Variants in LHX2 observed in about 807,000 individuals in gnomAD.
LHX2 encodes LIM homeobox 2, also known as LIM/homeobox protein Lhx2.
Under a neutral mutation model 33.0 loss-of-function variants are expected in LHX2, and 6 were observed. The ratio of observed to expected loss-of-function variants is 0.18; its 90% CI spans 0.10 to 0.36. LHX2 has a LOEUF of 0.36. LHX2 is among the 10% of genes least tolerant of loss of function. The pLI is 1.00. For missense variants in LHX2, 442 were observed against 586.2 expected (o/e 0.75, Z 2.54); for synonymous variants, 292 against 253.1 (o/e 1.15, Z -1.46).
At chr9:124,021,382 T>A in intron 4 of LHX2, 78 bp downstream of exon 4, 1 of 1,315,846 alleles carries the variant, frequency 7.6e-7, no homozygotes, top group Non-Finnish European at 1.1e-6. Context: ...GCCGTGGGCC[T>A]TGGAAGGACC....
intron 4 of LHX2, among the ~76,000 whole-genome samples, chr9:124,025,752 A>G (rs1828610743): frequency 6.6e-6 from 1 of 151,912 alleles, no homozygotes; most frequent in Admixed American, 6.5e-5. Flanking sequence ...GGGAGGCTGA[A>G]GTGGGCAGAT....
chr9:124,015,593 G>A lies in LHX2; in HGVS notation c.727+68G>A. On this transcript the variant is annotated intron_variant, in intron 3 of 4. Transcript: ENST00000373615. This position sits in a 1 kb window ranked among gnomAD's most constrained non-coding sequence, Gnocchi z 7.9. Reference sequence around the variant, plus strand: ...AAGTGTGCGGCCTCGACGGCCGGGAGCTGGATTGAATCTCTGTGTGCTGGG... The same window carrying A: ...AAGTGTGCGGCCTCGACGGCCGGGAACTGGATTGAATCTCTGTGTGCTGGG... 5 of 1,421,440 alleles carry A rather than the reference G, an allele frequency of 3.5e-6. No individual in the cohort carries two copies. The highest frequency in any genetic ancestry group is 1.5e-5 in the South Asian group (1 of 66,432). 88.1% of individuals were successfully genotyped at this position (1,421,440 alleles called of 1,614,324 possible).
Position 124,015,514 on chromosome 9 carries a change from C to A in LHX2, c.716C>A (p.Ala239Asp). The A allele has an allele frequency of 1.4e-6, 2 of 1,464,034 alleles. No individual in the cohort carries two copies. Among genetic ancestry groups the A allele is most frequent in the Non-Finnish European group, 1.8e-6 (2 of 1,107,828 alleles). The allele number at this position is 1,464,034 out of a possible 1,614,324, so 90.7% of individuals were successfully genotyped here. ...CCGGGCCCCGGTGCGGATCTGGCGG[C>A]CTACAACGCTGGTGAGTGCGCGGCG... ...KSPGPGADLA[A>D]YNAALSCNEN... Residue 239 changes from alanine to aspartate, a missense_variant, in exon 3 of 5, where the codon GCC becomes GAC. Ala to Asp is a moderately radical substitution (Grantham distance 126, BLOSUM62 -2). Coordinates refer to ENST00000373615, the MANE Select transcript of LHX2 (RefSeq NM_004789.4). This position sits in a 1 kb window ranked among gnomAD's most constrained non-coding sequence, Gnocchi z 7.9.
chr9:124,021,158 A>G lies in LHX2; in HGVS notation c.787A>G (p.Ser263Gly). 4 of 1,614,248 alleles carry G rather than the reference A, an allele frequency of 2.5e-6. No homozygotes were observed. The highest frequency in any genetic ancestry group is 3.4e-6 in the Non-Finnish European group (4 of 1,180,050). The change falls in exon 4 of 5, where the codon AGC becomes GGC. Residue 263 changes from serine to glycine, a missense_variant. Coordinates refer to ENST00000373615, the MANE Select transcript of LHX2 (RefSeq NM_004789.4). The part of the protein sequence containing the change: ...HLDRDQPYPS[S>G]QKTKRMRTSF... ...GGACCGTGACCAGCCATACCCGAGC[A>G]GCCAGAAGACCAAGCGCATGCGCAC...
At position 124,014,426 on chromosome 9, in the gene LHX2, CA is replaced by C. The variant is rs1275318839; in HGVS notation, c.323+264del. 1.3e-5 allele frequency among the ~76,000 whole-genome samples: 2 copies of C among 152,044 alleles called. No individual in the cohort carries two copies. Among genetic ancestry groups the C allele is most frequent in the East Asian group, 3.9e-4 (2 of 5,194 alleles). On this transcript the variant is annotated intron_variant, in intron 2 of 4. Transcript: ENST00000373615. The surrounding 1 kb of genome is among the most constrained non-coding windows in gnomAD (Gnocchi z 4.8). ...CTGCCCTCCTGCTCGGAGCTTAGAC[CA>C]CAAAAAAGCTTGAGTTGGGATCCTT...
rs937972465 is a variant in LHX2 at position 124,016,706 on chromosome 9, G to A, written c.727+1181G>A. ...GGAGGATCATGGGGCGTGTGTCCCT[G>A]TGTGCGGAACTGGGAGGAAAACGCA... On this transcript the variant is annotated intron_variant, in intron 3 of 4. Coordinates refer to ENST00000373615, the MANE Select transcript of LHX2 (RefSeq NM_004789.4). This position sits in a 1 kb window ranked among gnomAD's most constrained non-coding sequence, Gnocchi z 4.4. Among the ~76,000 whole-genome samples the A allele has an allele frequency of 1.3e-5, 2 of 152,228 alleles. No homozygotes were observed. The highest frequency in any genetic ancestry group is 4.8e-5 in the African/African-American group (2 of 41,448).
chr9:124,015,454 C>A lies in LHX2; in HGVS notation c.656C>A (p.Thr219Asn). The A allele has an allele frequency of 6.4e-7, 1 of 1,559,782 alleles. No homozygotes were observed. Among genetic ancestry groups the A allele is most frequent in the South Asian group, 1.2e-5 (1 of 83,542 alleles). The change falls in exon 3 of 5, where the codon ACT becomes AAT. Residue 219 changes from threonine (T) to asparagine (N), a missense_variant. Physicochemically the swap from Thr to Asn is moderately conservative, Grantham distance 65. Around this residue, in one of 5 missense-constraint regions of LHX2, gnomAD observed 132 missense variants for 139.1 expected, o/e 0.95. Transcript: ENST00000373615. The surrounding 1 kb of genome is among the most constrained non-coding windows in gnomAD (Gnocchi z 7.9). ...LGLPYYNGVGTVQKGRPRKRK... is the reference protein window; with the variant it reads ...LGLPYYNGVGNVQKGRPRKRK... The stretch of plus-strand genomic sequence containing the variant: ...CTTCCCTACTACAATGGCGTGGGCA[C>A]TGTGCAGAAGGGGCGGCCGAGGAAA...
chr9:124,018,344 C>A (rs564114152), intron 3 of LHX2, among the ~76,000 whole-genome samples: 2 of 151,428 alleles, frequency 1.3e-5, no homozygotes, highest in East Asian at 3.9e-4. Context: ...TCCCCGGATC[C>A]GATCCTGGGG....
chr9:124,026,582 T>C (rs1327996738), intron 4 of LHX2, among the ~76,000 whole-genome samples: 1 of 152,210 alleles, frequency 6.6e-6, no homozygotes, highest in Non-Finnish European at 1.5e-5. Context: ...TGTTTTTCTT[T>C]TAAATGATTC....
chr9:124,018,899 G>A (rs1859243954), intron 3 of LHX2, among the ~76,000 whole-genome samples: 1 of 152,086 alleles, frequency 6.6e-6, no homozygotes, highest in African/African-American at 2.4e-5. Flanking sequence ...CCACCTAGGC[G>A]GCACTCAGGG....
chr9:124,019,514 C>T (rs1859254912), intron 3 of LHX2, among the ~76,000 whole-genome samples: 1 of 152,006 alleles, frequency 6.6e-6, no homozygotes, highest in Non-Finnish European at 1.5e-5. Context: ...TATAAGTGTC[C>T]CGTGTAATAT....
intron 3 of LHX2, among the ~76,000 whole-genome samples, chr9:124,018,569 A>G (rs1859236936): frequency 6.6e-6 from 1 of 151,806 alleles, no homozygotes; most frequent in African/African-American, 2.4e-5. Context: ...GCTTCGGAAA[A>G]GGCCTCCCCC....
intron 4 of LHX2, among the ~76,000 whole-genome samples, chr9:124,026,477 G>C (rs76233131): frequency 6.7e-6 from 1 of 148,296 alleles, no homozygotes; most frequent in African/African-American, 2.5e-5. Context: ...AAAAAAAAAA[G>C]ACATTGAACA....
In LHX2 at chr9:124,014,234, C is replaced by A. The variant is rs950247000; in HGVS notation, c.323+71C>A. ...TCAGGCACAGTCTTACAGTTTGGCC[C>A]TCTCCTTTCCGTTTAGTCCCAGGAG... On this transcript the variant is annotated intron_variant, in intron 2 of 4. Coordinates refer to ENST00000373615, the MANE Select transcript of LHX2 (RefSeq NM_004789.4). This position sits in a 1 kb window ranked among gnomAD's most constrained non-coding sequence, Gnocchi z 4.8. 2 of 1,106,804 alleles carry A rather than the reference C, an allele frequency of 1.8e-6. No individual in the cohort carries two copies. The highest frequency in any genetic ancestry group is 1.9e-5 in the Admixed American group (1 of 51,934). 68.6% of individuals were successfully genotyped at this position (1,106,804 alleles called of 1,614,324 possible).
chr9:124,015,640 C>A lies in LHX2; in HGVS notation c.727+115C>A. On this transcript the variant is annotated intron_variant, in intron 3 of 4. Coordinates refer to ENST00000373615, the MANE Select transcript of LHX2 (RefSeq NM_004789.4). The surrounding 1 kb of genome is among the most constrained non-coding windows in gnomAD (Gnocchi z 7.9). Reference sequence around the variant, plus strand: ...TGGGCAAATAGCGAGCCTTAAGCACCGGACGGCCTCGCAGAAGGGACATTA... The same window carrying A: ...TGGGCAAATAGCGAGCCTTAAGCACAGGACGGCCTCGCAGAAGGGACATTA... The A allele has an allele frequency of 5.1e-6, 6 of 1,182,522 alleles. No homozygotes were observed. Among genetic ancestry groups the A allele is most frequent in the Non-Finnish European group, 6.9e-6 (6 of 875,746 alleles). The allele number at this position is 1,182,522 out of a possible 1,614,324, so 73.3% of individuals were successfully genotyped here. A position where few individuals can be genotyped will look rare whatever the true frequency, so the allele number is the denominator to read the frequency against.
chr9:124,025,521 A>T (rs1018965529), intron 4 of LHX2, among the ~76,000 whole-genome samples: 3 of 151,542 alleles, frequency 2.0e-5, no homozygotes, highest in African/African-American at 7.3e-5. Context: ...AGTCTCTCTG[A>T]GTTGCTTTCC....
chr9:124,012,395 A>C lies in LHX2; in HGVS notation c.47A>C (p.Asp16Ala). ...LSGPEVHGVI[D>A]EMDRRAKSEA... ...GGCCCCGAGGTGCACGGGGTCATCG[A>C]CGAGATGGACCGCAGGGCCAAGAGC... Residue 16 changes from aspartate to alanine, a missense_variant, in exon 1 of 5, where the codon GAC becomes GCC. This residue lies in a region of LHX2 where 97 missense variants were observed against 81.5 expected (regional missense o/e 1.19). Transcript: ENST00000373615. This position sits in a 1 kb window ranked among gnomAD's most constrained non-coding sequence, Gnocchi z 4.3. 5 of 1,532,634 alleles carry C rather than the reference A, an allele frequency of 3.3e-6. No homozygotes were observed. Among genetic ancestry groups the C allele is most frequent in the Non-Finnish European group, 4.4e-6 (5 of 1,144,512 alleles). 94.9% of individuals were successfully genotyped at this position (1,532,634 alleles called of 1,614,324 possible).
At position 124,015,014 on chromosome 9, in the gene LHX2, C is replaced by T; in HGVS notation, c.324-108C>T. ...TCCTCCAAATAAAGGCCGGGTTGTT[C>T]GTCTTGAGGAGGGGATTGCCCCCCG... On this transcript the variant is annotated intron_variant, in intron 2 of 4. Transcript: ENST00000373615. The surrounding 1 kb of genome is among the most constrained non-coding windows in gnomAD (Gnocchi z 7.9). 6 of 1,289,430 alleles carry T rather than the reference C, an allele frequency of 4.7e-6. No homozygotes were observed. Among genetic ancestry groups the T allele is most frequent in the Non-Finnish European group, 6.5e-6 (6 of 929,936 alleles). 79.9% of individuals were successfully genotyped at this position (1,289,430 alleles called of 1,614,324 possible). A position where few individuals can be genotyped will look rare whatever the true frequency, so the allele number is the denominator to read the frequency against.
chr9:124,022,168 C>G (rs1328112899), intron 4 of LHX2, among the ~76,000 whole-genome samples: 1 of 152,168 alleles, frequency 6.6e-6, no homozygotes, highest in East Asian at 1.9e-4. Context: ...CCTCCTTTTA[C>G]TCATTTTAGG....
Sources: allele counts gnomAD v4.1 joint callset (sites outside exome capture counted in the v4.1 genomes callset), GRCh38; gene constraint gnomAD v4.1.1; regional missense constraint gnomAD v4.1.1; non-coding constraint Gnocchi (gnomAD v3.1); transcripts MANE v1.5; gene names NCBI Gene and HGNC (gene_info 2026-07-23, HGNC 2026-07-21).